The following FBXL18 variants were observed in gnomAD, a reference collection of about 807,000 sequenced individuals.
The protein encoded by FBXL18 is F-box/LRR-repeat protein 18.
FBXL18 carries 36 observed loss-of-function variants against 46.0 expected under a neutral mutation model. That is an observed-to-expected ratio of 0.78 (90% CI 0.60 to 1.03). The LOEUF (loss-of-function observed/expected upper bound fraction) is 1.03. Among genes scored for constraint, FBXL18 ranks in the 50% least tolerant of loss-of-function variants. The pLI is 0.00. For synonymous variants in FBXL18, 557 were observed against 465.3 expected, an observed-to-expected ratio of 1.20 and a Z score of -2.54; for missense variants, 977 against 1,004.1, an observed-to-expected ratio of 0.97 and a Z score of 0.36.
At chr7:5,462,724 G>A (rs1284531647) in intron 4 of FBXL18, among the ~76,000 whole-genome samples, 1 of 151,712 alleles carries the variant, frequency 6.6e-6, no homozygotes, top group East Asian at 1.9e-4. Context: ...GGCCGAGGCG[G>A]ATGGATCACG....
chr7:5,497,409 C>G (rs961544149), intron 3 of FBXL18, among the ~76,000 whole-genome samples: 5 of 152,260 alleles, frequency 3.3e-5, no homozygotes, highest in African/African-American at 1.2e-4. Context: ...AGCGGCCGAT[C>G]CAGGGCCTGG....
intron 4 of FBXL18, among the ~76,000 whole-genome samples, chr7:5,463,728 A>ATTTATCTTTT (rs1562672288): frequency 1.9e-5 from 1 of 53,034 alleles, no homozygotes; most frequent in African/African-American, 8.0e-5. Context: ...TTATTTATTT[A>ATTTATCTTTT]TTTTTTTTTT....
At chr7:5,462,057 C>A (rs752170610) in intron 4 of FBXL18, among the ~76,000 whole-genome samples, 1 of 152,112 alleles carries the variant, frequency 6.6e-6, no homozygotes, top group Non-Finnish European at 1.5e-5. Flanking sequence ...CTGGCCAACA[C>A]AGTGAAGCCC....
At chr7:5,507,335 C>T (rs190334175) in intron 1 of FBXL18, among the ~76,000 whole-genome samples, 101 of 152,266 alleles carry the variant, frequency 6.6e-4, no homozygotes, top group Non-Finnish European at 1.2e-3. Context: ...AGACAGGATT[C>T]CCATCCTGCT....
intron 1 of FBXL18, among the ~76,000 whole-genome samples, chr7:5,510,212 A>C (rs570118130): frequency 2.0e-5 from 3 of 150,292 alleles, no homozygotes; most frequent in African/African-American, 4.9e-5. Context: ...TGAGGCAAGG[A>C]GAATTGCTTG....
intron 4 of FBXL18, among the ~76,000 whole-genome samples, chr7:5,488,792 C>T (rs780587005): frequency 2.0e-5 from 3 of 152,200 alleles, no homozygotes; most frequent in Admixed American, 1.3e-4. Context: ...TGCCTGCATC[C>T]GCCACACCTG....
At chr7:5,509,690 AG>A (rs1271525565) in intron 1 of FBXL18, among the ~76,000 whole-genome samples, 7 of 135,824 alleles carry the variant, frequency 5.2e-5, no homozygotes, top group African/African-American at 2.1e-4. Flanking sequence ...TGACAGAGTG[AG>A]ATTCCATCTC....
chr7:5,460,388 T>C (rs1048263431), intron 4 of FBXL18, among the ~76,000 whole-genome samples: 1 of 152,208 alleles, frequency 6.6e-6, no homozygotes, highest in Admixed American at 6.5e-5. Flanking sequence ...GACACAGAGA[T>C]ACCATGAGTC....
rs769765340 is a variant in FBXL18 at position 5,500,767 on chromosome 7, C to T, written c.1502G>A (p.Arg501His). 5.6e-6 allele frequency: 9 copies of T among 1,612,418 alleles called. No individual in the cohort carries two copies. Among genetic ancestry groups the T allele is most frequent in the Non-Finnish European group, 7.6e-6 (9 of 1,179,706 alleles). The change falls in exon 3 of 5, where the codon CGC becomes CAC. Residue 501 changes from arginine to histidine, a missense_variant. Coordinates refer to ENST00000382368, the MANE Select transcript of FBXL18 (RefSeq NM_024963.6). ...CGAGTTGCGGATGGCGGGCTCGTTG[C>T]GGGGCATGGCGGAGGAGAAGTTGGA... ...IGSNFSSAMP[R>H]NEPAIRNSLP...
At chr7:5,494,146 C>T (rs1157251574) in intron 3 of FBXL18, among the ~76,000 whole-genome samples, 1 of 151,482 alleles carries the variant, frequency 6.6e-6, no homozygotes, top group Non-Finnish European at 1.5e-5. Context: ...GTGGCACACA[C>T]CTGTAATCCC....
chr7:5,471,672 A>C (rs1412399863), downstream of FBXL18, among the ~76,000 whole-genome samples: 1 of 152,138 alleles, frequency 6.6e-6, no homozygotes, highest in Non-Finnish European at 1.5e-5. Context: ...GGCCTCCCAA[A>C]GTGCTTTTCA....
chr7:5,501,114 C>G lies in FBXL18; in HGVS notation c.1155G>C (p.Leu385=), dbSNP rs754507084. The part of the protein sequence containing the change: ...LETLVASCCN[L]RHLNLSAAHH... ...GGGCGGCCGAGAGGTTCAGGTGGCG[C>G]AGGTTGCAGCAGGACGCCACCAGAG... Residue 385 remains leucine, a synonymous_variant, in exon 3 of 5, where the codon CTG becomes CTC. Transcript: ENST00000382368. The G allele has an allele frequency of 1.9e-6, 3 of 1,612,640 alleles. No individual in the cohort carries two copies. In the African/African-American group the frequency reaches 4.0e-5, roughly 22 times the overall value.
At chr7:5,458,495 C>T (rs781106286) in intron 4 of FBXL18, among the ~76,000 whole-genome samples, 13 of 151,728 alleles carry the variant, frequency 8.6e-5, no homozygotes, top group Non-Finnish European at 1.9e-4. Context: ...ATCACGAGTT[C>T]GAGACCAGCC....
At chr7:5,466,060 T>C (rs958025016) in intron 4 of FBXL18, among the ~76,000 whole-genome samples, 2 of 151,912 alleles carry the variant, frequency 1.3e-5, no homozygotes, top group Non-Finnish European at 2.9e-5. Context: ...TCAGGTGATC[T>C]GCCTGCCTCG....
Position 5,505,601 on chromosome 7 carries a change from G to A in FBXL18, c.48C>T (p.His16=), listed in dbSNP as rs769355696. 2 of 1,613,942 alleles carry A rather than the reference G, an allele frequency of 1.2e-6. No homozygotes were observed. Among genetic ancestry groups the A allele is most frequent in the Non-Finnish European group, 1.7e-6 (2 of 1,179,950 alleles). The change falls in exon 2 of 5, where the codon CAC becomes CAT. Residue 16 remains histidine, a synonymous_variant. Coordinates refer to ENST00000382368, the MANE Select transcript of FBXL18 (RefSeq NM_024963.6). ...EDISNDDDDM[H]PAAAGMADGV... is the part of the protein sequence containing the mutation. Reference sequence around the variant, plus strand: ...CGTCTGCCATCCCGGCTGCTGCAGGGTGCATGTCATCATCATCATTGGATA... The same window carrying A: ...CGTCTGCCATCCCGGCTGCTGCAGGATGCATGTCATCATCATCATTGGATA...
chr7:5,512,053 G>A (rs1784548856), intron 1 of FBXL18, among the ~76,000 whole-genome samples: 1 of 148,634 alleles, frequency 6.7e-6, no homozygotes. Flanking sequence ...GGCTAACACG[G>A]TGAAACCCCG....
In FBXL18 at chr7:5,493,598, AT is replaced by A. The variant is rs200351392; in HGVS notation, c.1782-2150del. Among the ~76,000 whole-genome samples, 1,040 of 150,494 alleles carry A rather than the reference AT, an allele frequency of 6.9e-3. 18 individuals carry two copies. The highest frequency in any genetic ancestry group is 0.024 in the African/African-American group (969 of 41,054). On this transcript the variant is annotated intron_variant, in intron 3 of 4. Coordinates refer to ENST00000382368, the MANE Select transcript of FBXL18 (RefSeq NM_024963.6). ...GCGTGGGCCACTGCACCTGGCCAAA[AT>A]TTTTTTTTTAAAAGAATAAAGGAAG...
rs992046676 is a variant in FBXL18 at position 5,496,577 on chromosome 7, G to A, written c.1781+3911C>T. On this transcript the variant is annotated intron_variant, in intron 3 of 4. Transcript: ENST00000382368. This position sits in a 1 kb window ranked among gnomAD's most constrained non-coding sequence, Gnocchi z 4.8. ...CTTGGCTTAGGCCCATCAACTAGGA[G>A]GCCACACTTAACAGACTCTCCGGAC... Among the ~76,000 whole-genome samples the A allele has an allele frequency of 1.3e-5, 2 of 152,182 alleles. No homozygotes were observed. The highest frequency in any genetic ancestry group is 3.9e-4 in the East Asian group (2 of 5,188).
rs575271638 is a variant in FBXL18, at chr7:5,462,851, T to C, written c.2001-15008A>G. Among the ~76,000 whole-genome samples, 4 of 147,672 alleles carry C rather than the reference T, an allele frequency of 2.7e-5. No homozygotes were observed. In the East Asian group the frequency reaches 8.0e-4, roughly 29 times the overall value. On this transcript the variant is annotated intron_variant and NMD_transcript_variant, in intron 4 of 6. Coordinates refer to the FBXL18 transcript ENST00000415009. ...CTATAGTCCCAGCTACTCGGGAGGC[T>C]GAGGCAGGAGAATGGTGTGAACCCA...
Sources: gnomAD v4.1 joint callset for allele counts (sites outside exome capture counted in the v4.1 genomes callset) on GRCh38, gnomAD v4.1.1 for gene constraint, Gnocchi (gnomAD v3.1) non-coding constraint, MANE v1.5 for transcripts, NCBI Gene and HGNC (gene_info 2026-07-23, HGNC 2026-07-21) for gene names.